Variants in EIF3K observed in about 807,000 individuals in gnomAD.
EIF3K encodes eukaryotic translation initiation factor 3 subunit K.
In EIF3K, 27 loss-of-function variants were observed where a neutral mutation model predicts 34.2. The observed-to-expected ratio is 0.79, with a 90% confidence interval of 0.58 to 1.09. The LOEUF (loss-of-function observed/expected upper bound fraction) is 1.09, where lower values mean the gene tolerates loss of function less well. EIF3K is among the 50% of genes least tolerant of loss of function. The pLI is 0.00. For synonymous variants in EIF3K, 105 were observed against 105.7 expected (o/e 0.99, Z 0.04); for missense variants, 232 against 275.4 (o/e 0.84, Z 1.11).
intron 4 of EIF3K, 181 bp downstream of exon 4, chr19:38,626,283 T>G (rs1975950217): frequency 1.6e-6 from 1 of 645,034 alleles, no homozygotes. Flanking sequence ...GTCATCCCCG[T>G]GCCCACAGGC....
chr19:38,625,163 ATTTAT>A (rs999584658), intron 3 of EIF3K, among the ~76,000 whole-genome samples: 1 of 151,170 alleles, frequency 6.6e-6, no homozygotes, highest in Non-Finnish European at 1.5e-5. Context: ...GTTTTATTTT[ATTTAT>A]TTTATTTTTT....
chr19:38,626,153 C>A, intron 4 of EIF3K, 51 bp downstream of exon 4: 2 of 1,557,310 alleles, frequency 1.3e-6, no homozygotes, highest in Non-Finnish European at 1.8e-6. Flanking sequence ...CCATGTGGAG[C>A]TGAGTGCTAA....
At chr19:38,633,069 G>A (rs147921448) in intron 6 of EIF3K, among the ~76,000 whole-genome samples, 29 of 152,302 alleles carry the variant, frequency 1.9e-4, no homozygotes, top group African/African-American at 6.0e-4. Context: ...CCTTACCTCC[G>A]TAGAGAGAGG....
At chr19:38,632,922 T>A (rs1976101674) in intron 6 of EIF3K, 1 of 457,112 alleles carries the variant, frequency 2.2e-6, no homozygotes, top group Admixed American at 3.9e-5. Flanking sequence ...AAACTGGGCG[T>A]GCAGCAGTAA....
chr19:38,624,696 C>T (rs545032281), intron 3 of EIF3K, among the ~76,000 whole-genome samples: 1 of 152,106 alleles, frequency 6.6e-6, no homozygotes, highest in South Asian at 2.1e-4. Flanking sequence ...CGAGATTGCG[C>T]CACTGCACTC....
chr19:38,630,340 T>A (rs1293462937), intron 4 of EIF3K, among the ~76,000 whole-genome samples: 1 of 139,854 alleles, frequency 7.2e-6, no homozygotes, highest in African/African-American at 2.5e-5. Flanking sequence ...TATTTATTTA[T>A]TTATTTATTT....
At chr19:38,636,819 G>A (rs1015621562) in intron 7 of EIF3K, 70 bp from the exon 8 acceptor site, 1 of 1,565,768 alleles carries the variant, frequency 6.4e-7, no homozygotes, top group African/African-American at 1.4e-5. Context: ...AATTGTGGGT[G>A]CTGTAGCAGG....
intron 2 of EIF3K, among the ~76,000 whole-genome samples, chr19:38,620,951 C>T (rs1436488875): frequency 6.6e-6 from 1 of 152,026 alleles, no homozygotes; most frequent in Non-Finnish European, 1.5e-5. Context: ...CCTGTAATCC[C>T]AGCACTTTGG....
At position 38,620,424 on chromosome 19, in the gene EIF3K, T is replaced by C; in HGVS notation, c.147T>C (p.Ala49=). The part of the protein sequence containing the change: ...ENAYDLEANL[A]VLKLYQFNPA... ...CCTATGATCTGGAAGCCAACCTGGC[T>C]GTCCTGAAGCTGTAAGTGTCTAGCT... The change falls in exon 2 of 8, where the codon GCT becomes GCC. Residue 49 remains alanine, a synonymous_variant. Transcript: ENST00000248342. 1 of 1,613,812 alleles carries C rather than the reference T, an allele frequency of 6.2e-7. No homozygotes were observed.
chr19:38,626,000 A>G (rs761887782), intron 3 of EIF3K, 28 bp from the exon 4 acceptor site: 1 of 1,612,666 alleles, frequency 6.2e-7, no homozygotes, highest in Non-Finnish European at 8.5e-7. Context: ...CTCCGAGGCC[A>G]GTTTTCCTTA....
chr19:38,623,657 C>T (rs1975889292), intron 2 of EIF3K, among the ~76,000 whole-genome samples: 1 of 151,894 alleles, frequency 6.6e-6, no homozygotes, highest in Admixed American at 6.6e-5. Flanking sequence ...AACCGTCAGC[C>T]CCTCAGTTTC....
At position 38,632,858 on chromosome 19, in the gene EIF3K, C is replaced by T. The variant is rs1002503279; in HGVS notation, c.499+180C>T. On this transcript the variant is annotated intron_variant, in intron 6 of 7. Coordinates refer to ENST00000248342, the MANE Select transcript of EIF3K (RefSeq NM_013234.4). ...TCTCTGCCTTGAGGGAGATCCTATGCCATTTGCTCATTTATTTTGCATTAA... is the reference window on the plus strand; with the variant it reads ...TCTCTGCCTTGAGGGAGATCCTATGTCATTTGCTCATTTATTTTGCATTAA... 5.4e-6 allele frequency: 3 copies of T among 554,816 alleles called. No homozygotes were observed. The African/African-American group carries it at 5.7e-5, about 11-fold the overall frequency. The allele number at this position is 554,816 out of a possible 1,614,324, so 34.4% of individuals were successfully genotyped here.
intron 7 of EIF3K, 127 bp from the exon 8 acceptor site, chr19:38,636,762 G>A: frequency 9.1e-7 from 1 of 1,102,422 alleles, no homozygotes; most frequent in African/African-American, 1.5e-5. Flanking sequence ...AACTGCCTTT[G>A]TGATGGTAAC....
chr19:38,626,081 C>G lies in EIF3K; in HGVS notation c.333C>G (p.Thr111=). 1 of 1,614,220 alleles carries G rather than the reference C, an allele frequency of 6.2e-7. No individual in the cohort carries two copies. The highest frequency in any genetic ancestry group is 1.7e-5 in the Admixed American group (1 of 60,028). The change falls in exon 4 of 8, where the codon ACC becomes ACG. Residue 111 remains threonine (T), a synonymous_variant. Transcript: ENST00000248342. The part of the protein sequence containing the change: ...QILYLGDLLE[T]CHFQAFWQAL... The stretch of plus-strand genomic sequence containing the variant: ...TGTACCTCGGGGACCTGCTGGAGAC[C>G]TGCCATTTCCAGGCCTTCTGGGTAA...
chr19:38,625,513 A>ATTTTTTTTTT (rs1975930763), intron 3 of EIF3K, among the ~76,000 whole-genome samples: 4 of 127,590 alleles, frequency 3.1e-5, no homozygotes, highest in South Asian at 2.4e-4. Flanking sequence ...TTTTGTTAAT[A>ATTTTTTTTTT]TTTTCTTTTT....
intron 3 of EIF3K, 27 bp from the exon 4 acceptor site, chr19:38,626,001 G>T: frequency 6.2e-7 from 1 of 1,613,646 alleles, no homozygotes; most frequent in Non-Finnish European, 8.5e-7. Context: ...TCCGAGGCCA[G>T]TTTTCCTTAA....
chr19:38,632,148 G>A, intron 4 of EIF3K: 1 of 388,354 alleles, frequency 2.6e-6, no homozygotes, highest in Non-Finnish European at 4.7e-6. Flanking sequence ...GGGAGTGGTG[G>A]CTCACCCCTG....
chr19:38,622,151 G>T (rs1189546645), intron 2 of EIF3K, among the ~76,000 whole-genome samples: 1 of 149,140 alleles, frequency 6.7e-6, no homozygotes, highest in Non-Finnish European at 1.5e-5. Context: ...AGGCTAGAGT[G>T]CCTTGGCGTG....
chr19:38,624,016 C>A, intron 2 of EIF3K, 61 bp from the exon 3 acceptor site: 1 of 1,610,102 alleles, frequency 6.2e-7, no homozygotes, highest in Admixed American at 1.7e-5. Context: ...TGCCTGGCAC[C>A]TGGTGAGGAT....
Sources: gnomAD v4.1 joint callset for allele counts (sites outside exome capture counted in the v4.1 genomes callset) on GRCh38, gnomAD v4.1.1 for gene constraint, MANE v1.5 for transcripts, NCBI Gene and HGNC (gene_info 2026-07-23, HGNC 2026-07-21) for gene names.